TTF2: variants seen among roughly 807,000 people sequenced by gnomAD.
The protein encoded by TTF2 is RNA polymerase II termination factor.
Under a neutral mutation model 142.4 loss-of-function variants are expected in TTF2, and 108 were observed. The ratio of observed to expected loss-of-function variants is 0.76; its 90% CI spans 0.65 to 0.89. TTF2 has a LOEUF of 0.89. Ranked by LOEUF, TTF2 falls within the 40% of genes least tolerant of loss-of-function variation. The pLI, the probability that TTF2 is intolerant of heterozygous loss-of-function variation, is 0.00. For synonymous variants in TTF2, 483 were observed against 506.2 expected (o/e 0.95, Z 0.61); for missense variants, 1,327 against 1,379.8 (o/e 0.96, Z 0.61).
chr1:117,084,198 C>T (rs763102357), intron 11 of TTF2, 30 bp downstream of exon 11: 81 of 1,612,166 alleles, frequency 5.0e-5, no homozygotes, highest in South Asian at 1.5e-4. Context: ...GTTGTGGGGG[C>T]GTTCAGCACC....
chr1:117,096,032 G>A (rs185797346), intron 19 of TTF2, 117 bp from the exon 20 acceptor site: 31 of 1,129,760 alleles, frequency 2.7e-5, no homozygotes, highest in Non-Finnish European at 3.8e-5. Flanking sequence ...GTAGCAGAAG[G>A]CCTTTCCTTG....
chr1:117,062,521 T>C (rs1178048298), intron 3 of TTF2, 48 bp downstream of exon 3: 2 of 1,523,522 alleles, frequency 1.3e-6, no homozygotes, highest in Non-Finnish European at 1.8e-6. Flanking sequence ...TTTTTTTTTT[T>C]TCTCCCTGAA....
In TTF2 at chr1:117,090,024, TACTCTGTGCCCTTCTTCCTCA is replaced by T. The variant is rs1319291018; in HGVS notation, c.2343-28_2343-8del. ...CCATTCTCCCTGACTTTTCCTTCCC[TACTCTGTGCCCTTCTTCCTCA>T]ACAAAAAAGGTTTCTCCGTTGCTCT... On this transcript the variant is annotated splice_polypyrimidine_tract_variant and intron_variant, in intron 13 of 22. Transcript: ENST00000369466. This position sits in a 1 kb window ranked among gnomAD's most constrained non-coding sequence, Gnocchi z 4.8. 1 of 1,603,876 alleles carries T rather than the reference TACTCTGTGCCCTTCTTCCTCA, an allele frequency of 6.2e-7. No homozygotes were observed. Among genetic ancestry groups the T allele is most frequent in the Non-Finnish European group, 8.5e-7 (1 of 1,175,090 alleles).
intron 9 of TTF2, 57 bp from the exon 10 acceptor site, chr1:117,081,771 A>G: frequency 6.3e-7 from 1 of 1,580,264 alleles, no homozygotes; most frequent in Admixed American, 1.8e-5. Flanking sequence ...CTCTTGAACT[A>G]GGGTTGATTA....
Position 117,075,349 on chromosome 1 carries a change from A to G in TTF2, c.765A>G (p.Arg255=), listed in dbSNP as rs1656904544. ...TCCAAAGAGAATCAGAACCTCTGAGAGAAAAGGTTACCCAGCTTTTGCCTC... is the reference window on the plus strand; with the variant it reads ...TCCAAAGAGAATCAGAACCTCTGAGGGAAAAGGTTACCCAGCTTTTGCCTC... ...QDVQRESEPL[R]EKVTQLLPQN... The change falls in exon 5 of 23, where the codon AGA becomes AGG. Residue 255 remains arginine, a synonymous_variant. Transcript: ENST00000369466. This position sits in a 1 kb window ranked among gnomAD's most constrained non-coding sequence, Gnocchi z 4.5. The G allele has an allele frequency of 9.9e-6, 16 of 1,614,242 alleles. 1 individual carries two copies. The East Asian group carries it at 3.3e-4, about 34-fold the overall frequency.
rs1353901241 is a variant in TTF2, at chr1:117,087,075, C to G, written c.2160+553C>G. On this transcript the variant is annotated intron_variant, in intron 12 of 22. Transcript: ENST00000369466. The surrounding 1 kb of genome is among the most constrained non-coding windows in gnomAD (Gnocchi z 4.8). ...AGAGGCTTTATCATGTAATTATACT[C>G]TGAAAATACAGTATTATCCCAAGAA... is the stretch of plus-strand genomic sequence containing the variant. 6.6e-6 allele frequency among the ~76,000 whole-genome samples: 1 copy of G among 152,146 alleles called. No homozygotes were observed. Among genetic ancestry groups the G allele is most frequent in the Non-Finnish European group, 1.5e-5 (1 of 68,026 alleles).
At chr1:117,072,185 C>A (rs1656631017) in intron 3 of TTF2, among the ~76,000 whole-genome samples, 1 of 152,114 alleles carries the variant, frequency 6.6e-6, no homozygotes, top group Non-Finnish European at 1.5e-5. Flanking sequence ...AACTTTCTTG[C>A]ACTGGGATGT....
intron 2 of TTF2, among the ~76,000 whole-genome samples, chr1:117,060,779 C>G (rs903918986): frequency 1.3e-5 from 2 of 152,220 alleles, no homozygotes; most frequent in Non-Finnish European, 2.9e-5. Context: ...ACCCCCCTCT[C>G]TGGGCCGATG....
At chr1:117,084,230 C>A (rs1557818932) in intron 11 of TTF2, 62 bp downstream of exon 11, 2 of 1,592,444 alleles carry the variant, frequency 1.3e-6, no homozygotes, top group Non-Finnish European at 1.7e-6. Context: ...GCCCACGGGC[C>A]TTTGCTCCCA....
intron 10 of TTF2, 28 bp downstream of exon 10, chr1:117,081,975 C>T: frequency 1.9e-6 from 3 of 1,613,670 alleles, no homozygotes; most frequent in Non-Finnish European, 2.5e-6. Flanking sequence ...AATAGCCTGC[C>T]ATTCCCTACG....
Position 117,090,604 on chromosome 1 carries a change from G to T in TTF2, c.2569G>T (p.Val857Leu), listed in dbSNP as rs765234615. ...LSEDEETVYN[V>L]FFARSRSALQ... ...TGAAGATGAAGAGACTGTTTACAATGTGTTTTTTGCAAGATCAAGGTGTGT... is the reference window on the plus strand; with the variant it reads ...TGAAGATGAAGAGACTGTTTACAATTTGTTTTTTGCAAGATCAAGGTGTGT... Residue 857 changes from valine to leucine, a missense_variant, in exon 15 of 23, where the codon GTG becomes TTG. Transcript: ENST00000369466. The surrounding 1 kb of genome is among the most constrained non-coding windows in gnomAD (Gnocchi z 4.8). 2.5e-6 allele frequency: 4 copies of T among 1,613,930 alleles called. No individual in the cohort carries two copies. Among genetic ancestry groups the T allele is most frequent in the Non-Finnish European group, 8.5e-7 (1 of 1,179,936 alleles).
Position 117,073,799 on chromosome 1 carries a change from C to T in TTF2, c.285+72C>T. The T allele has an allele frequency of 1.4e-6, 2 of 1,428,922 alleles. No individual in the cohort carries two copies. The highest frequency in any genetic ancestry group is 9.7e-7 in the Non-Finnish European group (1 of 1,030,874). The allele number at this position is 1,428,922 out of a possible 1,614,324, so 88.5% of individuals were successfully genotyped here. A position where few individuals can be genotyped will look rare whatever the true frequency, so the allele number is the denominator to read the frequency against. On this transcript the variant is annotated intron_variant, in intron 4 of 22. Transcript: ENST00000369466. The surrounding 1 kb of genome is among the most constrained non-coding windows in gnomAD (Gnocchi z 4.4). Reference sequence around the variant, plus strand: ...AATATGCAGCATCACCTGAAAATACCTTGAAGTTCACGTAAATGAGTTGGT... The same window carrying T: ...AATATGCAGCATCACCTGAAAATACTTTGAAGTTCACGTAAATGAGTTGGT...
At position 117,090,407 on chromosome 1, in the gene TTF2, C is replaced by A; in HGVS notation, c.2497-125C>A. 2.6e-6 allele frequency: 3 copies of A among 1,161,058 alleles called. No homozygotes were observed. Among genetic ancestry groups the A allele is most frequent in the Non-Finnish European group, 3.7e-6 (3 of 811,270 alleles). 71.9% of individuals were successfully genotyped at this position (1,161,058 alleles called of 1,614,324 possible). On this transcript the variant is annotated intron_variant, in intron 14 of 22. Transcript: ENST00000369466. This position sits in a 1 kb window ranked among gnomAD's most constrained non-coding sequence, Gnocchi z 4.8. The stretch of plus-strand genomic sequence containing the variant: ...ACTGTATGTTGGAGCAGTCCTGTGT[C>A]TAAGAAAGGGTGGAAGCTGCATTCC...
At position 117,090,736 on chromosome 1, in the gene TTF2, G is replaced by C; in HGVS notation, c.2588+113G>C. The stretch of plus-strand genomic sequence containing the variant: ...ACTTTATGGCATTATTGATTAGTTG[G>C]ATGTCTGTATTCCCTTTTTTTTTTT... On this transcript the variant is annotated intron_variant, in intron 15 of 22. Transcript: ENST00000369466. The surrounding 1 kb of genome is among the most constrained non-coding windows in gnomAD (Gnocchi z 4.8). The C allele has an allele frequency of 1.2e-6, 1 of 861,418 alleles. No individual in the cohort carries two copies. Among genetic ancestry groups the C allele is most frequent in the Non-Finnish European group, 1.8e-6 (1 of 553,276 alleles). The allele number at this position is 861,418 out of a possible 1,614,324, so 53.4% of individuals were successfully genotyped here. A position where few individuals can be genotyped will look rare whatever the true frequency, so the allele number is the denominator to read the frequency against.
chr1:117,069,143 C>T (rs770435194), intron 3 of TTF2, among the ~76,000 whole-genome samples: 4 of 151,858 alleles, frequency 2.6e-5, no homozygotes, highest in African/African-American at 9.7e-5. Flanking sequence ...CTTGAAAGTT[C>T]GTGTAAAAGA....
rs553009406 is a variant in TTF2 at position 117,083,982 on chromosome 1, A to T, written c.1904-36A>T. 1.2e-4 allele frequency: 189 copies of T among 1,610,614 alleles called. 6 individuals carry two copies. In the South Asian group the frequency reaches 1.9e-3, roughly 16 times the overall value. ...AAGAAAAGTTAAAAGCCATTTGGTG[A>T]ATGTAACTAGGCACTGATTTTTTTC... On this transcript the variant is annotated intron_variant, in intron 10 of 22. Transcript: ENST00000369466.
rs747516762 is a variant in TTF2, at chr1:117,076,749, C to A, written c.1499C>A (p.Thr500Asn). ...CCCCAACCCCTTCCTCGTCGTGGTA[C>A]CCAACCTGTGGGTTCTCTAGAACTA... Reference protein sequence around the residue: ...VPPQPLPRRGTQPVGSLELKS... With the variant: ...VPPQPLPRRGNQPVGSLELKS... The change falls in exon 7 of 23, where the codon ACC (threonine) becomes AAC (asparagine). Residue 500 changes from threonine to asparagine, a missense_variant. By Grantham distance (65) the Thr-to-Asn change is moderately conservative. Coordinates refer to ENST00000369466, the MANE Select transcript of TTF2 (RefSeq NM_003594.4). This position sits in a 1 kb window ranked among gnomAD's most constrained non-coding sequence, Gnocchi z 4.6. 6 of 1,614,044 alleles carry A rather than the reference C, an allele frequency of 3.7e-6. No individual in the cohort carries two copies. In the African/African-American group the frequency reaches 8.0e-5, roughly 22 times the overall value.
chr1:117,089,250 CAAATATATGCTA>C lies in TTF2; in HGVS notation c.2342+269_2342+280del, dbSNP rs1286296285. Among the ~76,000 whole-genome samples, 304 of 85,162 alleles carry C rather than the reference CAAATATATGCTA, an allele frequency of 3.6e-3. 1 individual carries two copies. The highest frequency in any genetic ancestry group is 0.011 in the South Asian group (24 of 2,204). 55.9% of individuals were successfully genotyped at this position (85,162 alleles called of 152,430 possible). A position where few individuals can be genotyped will look rare whatever the true frequency, so the allele number is the denominator to read the frequency against. On this transcript the variant is annotated intron_variant, in intron 13 of 22. Coordinates refer to ENST00000369466, the MANE Select transcript of TTF2 (RefSeq NM_003594.4). ...ATGCAAAATATATGCAAAATATATGCAAATATATGCTATATATATATATATATGCAAAAATTA... is the reference window on the plus strand; with the variant it reads ...ATGCAAAATATATGCAAAATATATGCTATATATATATATATGCAAAAATTA...
In TTF2 at chr1:117,092,274, CAT is replaced by C. The variant is rs1648663223; in HGVS notation, c.2805+326_2805+327del. The stretch of plus-strand genomic sequence containing the variant: ...TGAATGCTCTGGTACTTCAGAATGT[CAT>C]AAAGCTAATTTAGTTCTTGGGGTTT... On this transcript the variant is annotated intron_variant, in intron 17 of 22. Coordinates refer to ENST00000369466, the MANE Select transcript of TTF2 (RefSeq NM_003594.4). The surrounding 1 kb of genome is among the most constrained non-coding windows in gnomAD (Gnocchi z 4.4). Among the ~76,000 whole-genome samples the C allele has an allele frequency of 6.6e-6, 1 of 152,086 alleles. No individual in the cohort carries two copies. Among genetic ancestry groups the C allele is most frequent in the African/African-American group, 2.4e-5 (1 of 41,384 alleles).
Sources: allele counts gnomAD v4.1 joint callset (sites outside exome capture counted in the v4.1 genomes callset), GRCh38; gene constraint gnomAD v4.1.1; non-coding constraint Gnocchi (gnomAD v3.1); transcripts MANE v1.5; gene names NCBI Gene and HGNC (gene_info 2026-07-23, HGNC 2026-07-21).